COL4A4: variants seen among roughly 807,000 people sequenced by gnomAD.
COL4A4 encodes collagen type IV alpha 4 chain, also known as collagen alpha-4(IV) chain.
In COL4A4, 105 loss-of-function variants were observed where a neutral mutation model predicts 192.9. The ratio of observed to expected loss-of-function variants is 0.54; its 90% CI spans 0.46 to 0.64. COL4A4 has a LOEUF of 0.64. Ranked by LOEUF, COL4A4 falls within the 30% of genes least tolerant of loss-of-function variation. COL4A4 has a pLI of 0.00. For missense variants in COL4A4, 1,967 were observed against 2,169.3 expected (o/e 0.91, Z 1.85); for synonymous variants, 762 against 769.9 (o/e 0.99, Z 0.17).
At chr2:226,992,803 C>T in the COL4A4 span, among the ~76,000 whole-genome samples, 6 of 152,234 alleles carry the variant, frequency 3.9e-5, no homozygotes, top group East Asian at 1.9e-4. Context: ...CCGATGGCCA[C>T]GTGGGGAAGT....
chr2:227,022,623 G>A (rs1293063132), intron 43 of COL4A4: 5 of 506,772 alleles, frequency 9.9e-6, no homozygotes, highest in African/African-American at 9.8e-5. Context: ...CAGCCACGTG[G>A]GTTTCCATAG....
chr2:227,150,817 A>C (rs961656243), intron 1 of COL4A4, among the ~76,000 whole-genome samples: 1 of 151,898 alleles, frequency 6.6e-6, no homozygotes, highest in Non-Finnish European at 1.5e-5. Flanking sequence ...AATTATCTCC[A>C]CCTGGTCCCA....
intron 4 of COL4A4, among the ~76,000 whole-genome samples, chr2:227,138,637 C>CA (rs67330769): frequency 1.1e-3 from 137 of 128,088 alleles, no homozygotes; most frequent in East Asian, 5.5e-3. Flanking sequence ...TGTCTCAAAA[C>CA]AAAAAAAAAA....
At position 227,046,795 on chromosome 2, in the gene COL4A4, C is replaced by T. The variant is rs942780711; in HGVS notation, c.3289+680G>A. ...GGAGCTGTGCATAACACTGGCACCC[C>T]CCTTCTGCTGTGGGTCATCTAATGT... On this transcript the variant is annotated intron_variant, in intron 35 of 47. Transcript: ENST00000396625. 2.6e-5 allele frequency among the ~76,000 whole-genome samples: 4 copies of T among 151,990 alleles called. 1 individual carries two copies. Among genetic ancestry groups the T allele is most frequent in the African/African-American group, 9.7e-5 (4 of 41,264 alleles).
intron 4 of COL4A4, among the ~76,000 whole-genome samples, chr2:227,139,902 C>G (rs531658328): frequency 6.6e-6 from 1 of 152,132 alleles, no homozygotes; most frequent in Non-Finnish European, 1.5e-5. Context: ...CACACCAGGA[C>G]CCTTCCTCCA....
At chr2:227,045,839 TATATATATACACATATATATATACAC>T in intron 35 of COL4A4, among the ~76,000 whole-genome samples, 1 of 34,238 alleles carries the variant, frequency 2.9e-5, no homozygotes, top group African/African-American at 1.5e-4. Flanking sequence ...TATACACACA[TATATATATACACATATATATATACAC>T]ATATATATAC....
At chr2:227,110,520 T>C (rs920715388) in intron 9 of COL4A4, among the ~76,000 whole-genome samples, 4 of 152,034 alleles carry the variant, frequency 2.6e-5, no homozygotes, top group Admixed American at 2.6e-4. Flanking sequence ...GTAGCTGGGA[T>C]TACAGCCACG....
intron 8 of COL4A4, among the ~76,000 whole-genome samples, chr2:227,114,200 A>C (rs1463203060): frequency 6.6e-6 from 1 of 152,238 alleles, no homozygotes; most frequent in Non-Finnish European, 1.5e-5. Flanking sequence ...ATTTCCCCCC[A>C]GGGGACATTT....
intron 5 of COL4A4, among the ~76,000 whole-genome samples, chr2:227,120,432 A>G (rs1268101725): frequency 6.6e-6 from 1 of 152,212 alleles, no homozygotes; most frequent in Non-Finnish European, 1.5e-5. Flanking sequence ...GTGAAAAGAG[A>G]AAACTCAGTG....
chr2:226,983,107 C>T, the COL4A4 span, among the ~76,000 whole-genome samples: 1 of 152,190 alleles, frequency 6.6e-6, no homozygotes, highest in Admixed American at 6.5e-5. Context: ...CCACAGAACA[C>T]ACTATGGCAT....
At chr2:227,126,577 C>A (rs1196443133) in intron 4 of COL4A4, among the ~76,000 whole-genome samples, 2 of 152,142 alleles carry the variant, frequency 1.3e-5, no homozygotes, top group African/African-American at 4.8e-5. Context: ...TAAATTTCTC[C>A]TTTTTTACAA....
chr2:227,152,677 G>T (rs1052901942), intron 1 of COL4A4, among the ~76,000 whole-genome samples: 10 of 152,160 alleles, frequency 6.6e-5, no homozygotes, highest in Non-Finnish European at 1.5e-5. Flanking sequence ...CATGTTGTCT[G>T]CAACAATCTA....
intron 4 of COL4A4, among the ~76,000 whole-genome samples, chr2:227,122,026 C>A (rs1206771723): frequency 6.6e-6 from 1 of 152,188 alleles, no homozygotes; most frequent in Non-Finnish European, 1.5e-5. Flanking sequence ...ATTTCTTAGT[C>A]ATATTTTGGA....
chr2:227,077,743 C>G (rs2059109585), intron 25 of COL4A4, 151 bp downstream of exon 25: 2 of 682,478 alleles, frequency 2.9e-6, no homozygotes, highest in Admixed American at 5.8e-5. Context: ...TCTAGGGATA[C>G]AAAAATCTAC....
Position 227,078,083 on chromosome 2 carries a change from A to G in COL4A4, c.1804-6T>C. The G allele has an allele frequency of 6.2e-7, 1 of 1,613,838 alleles. No homozygotes were observed. The highest frequency in any genetic ancestry group is 8.5e-7 in the Non-Finnish European group (1 of 1,179,924). ...GTCGCATCTTCATGATCCCCCTGGG[A>G]ATGTTATGTCATGAGTCAATTACCA... On this transcript the variant is annotated splice_region_variant and splice_polypyrimidine_tract_variant and intron_variant, in intron 24 of 47. Coordinates refer to ENST00000396625, the MANE Select transcript of COL4A4 (RefSeq NM_000092.5).
the COL4A4 span, among the ~76,000 whole-genome samples, chr2:226,984,029 G>A: frequency 1.3e-5 from 2 of 152,190 alleles, no homozygotes; most frequent in Non-Finnish European, 2.9e-5. Context: ...GTGTCCCTTG[G>A]AGGGAGGGAG....
rs114969026 is a variant in COL4A4 at position 227,147,434 on chromosome 2, T to C, written c.50A>G (p.Lys17Arg). The C allele has an allele frequency of 5.9e-4, 948 of 1,613,806 alleles. 5 individuals carry two copies. In the African/African-American group the frequency reaches 0.011, roughly 19 times the overall value. The stretch of plus-strand genomic sequence containing the variant: ...TCACCAGGGACCTGTGGCCAAGGAC[T>C]TGGTCAATCTGAAGGAGCACCTCAT... ...VLMRCSFRLT[K>R]SLATGPWSLI... Residue 17 changes from lysine to arginine, a missense_variant, in exon 2 of 48, where the codon AAG becomes AGG. Coordinates refer to ENST00000396625, the MANE Select transcript of COL4A4 (RefSeq NM_000092.5).
At chr2:227,138,569 C>T (rs548567482) in intron 4 of COL4A4, among the ~76,000 whole-genome samples, 3 of 146,976 alleles carry the variant, frequency 2.0e-5, no homozygotes, top group Non-Finnish European at 4.5e-5. Context: ...AGAGGCGGAG[C>T]GTGCAGTGAG....
At position 227,146,854 on chromosome 2, in the gene COL4A4, T is replaced by C. The variant is rs570555071; in HGVS notation, c.71+559A>G. Among the ~76,000 whole-genome samples the C allele has an allele frequency of 8.1e-4, 124 of 152,254 alleles. 1 individual carries two copies. Among genetic ancestry groups the C allele is most frequent in the African/African-American group, 2.8e-3 (118 of 41,546 alleles). ...CCTTCTCCGACTGCTCTCCTGCTTCTCTCCTTCACTTCCAAGGATGCTTGT... is the reference window on the plus strand; with the variant it reads ...CCTTCTCCGACTGCTCTCCTGCTTCCCTCCTTCACTTCCAAGGATGCTTGT... On this transcript the variant is annotated intron_variant, in intron 2 of 47. Transcript: ENST00000396625.
Sources: gnomAD v4.1 joint callset for allele counts (sites outside exome capture counted in the v4.1 genomes callset) on GRCh38, gnomAD v4.1.1 for gene constraint, MANE v1.5 for transcripts, NCBI Gene and HGNC (gene_info 2026-07-23, HGNC 2026-07-21) for gene names.